The following TRAF5 variants were observed in gnomAD, a reference collection of about 807,000 sequenced individuals.
The protein encoded by TRAF5 is TNF receptor-associated factor 5.
TRAF5 carries 48 observed loss-of-function variants against 64.5 expected under a neutral mutation model. The ratio of observed to expected loss-of-function variants is 0.74; its 90% CI spans 0.59 to 0.95. TRAF5 has a LOEUF of 0.95. TRAF5 is among the 40% of genes least tolerant of loss of function. TRAF5 has a pLI of 0.00. For missense variants in TRAF5, 545 were observed against 662.8 expected (o/e 0.82, Z 1.95); for synonymous variants, 206 against 240.5 (o/e 0.86, Z 1.33).
intron 1 of TRAF5, among the ~76,000 whole-genome samples, chr1:211,341,979 A>C (rs143773037): frequency 1.3e-5 from 2 of 152,328 alleles, no homozygotes; most frequent in African/African-American, 4.8e-5. Flanking sequence ...GCTTATTAAT[A>C]ATAGCCCTTA....
chr1:211,368,811 ACT>A (rs1399098449), intron 8 of TRAF5: 1 of 151,986 alleles, frequency 6.6e-6, no homozygotes, highest in African/African-American at 2.4e-5. Context: ...GGTTACTTAA[ACT>A]CTCTACCTCT....
chr1:211,358,892 T>C lies in TRAF5; in HGVS notation c.379-1020T>C, dbSNP rs1349950591. The C allele has an allele frequency of 2.0e-5, 3 of 149,006 alleles. No homozygotes were observed. The East Asian group carries it at 5.8e-4, about 29-fold the overall frequency. The allele number at this position is 149,006 out of a possible 1,614,324, so 9.2% of individuals were successfully genotyped here. A position where few individuals can be genotyped will look rare whatever the true frequency, so the allele number is the denominator to read the frequency against. ...TTATTGACATGTAAATAAATGTTTATTTTTAATAATAAATAACAGAATATT... is the reference window on the plus strand; with the variant it reads ...TTATTGACATGTAAATAAATGTTTACTTTTAATAATAAATAACAGAATATT... On this transcript the variant is annotated intron_variant, in intron 4 of 10. Transcript: ENST00000261464.
At chr1:211,357,855 A>G (rs1440864273) in intron 4 of TRAF5, 2 of 152,190 alleles carry the variant, frequency 1.3e-5, no homozygotes, top group Non-Finnish European at 2.9e-5. Context: ...AATAATAATA[A>G]TCATCATCAT....
intron 1 of TRAF5, among the ~76,000 whole-genome samples, chr1:211,336,958 C>T (rs924397352): frequency 1.3e-5 from 2 of 152,248 alleles, no homozygotes; most frequent in African/African-American, 2.4e-5. Flanking sequence ...TGCACCTGGC[C>T]AGACCTCAAC....
chr1:211,372,247 A>G lies in TRAF5; in HGVS notation c.1219A>G (p.Ile407Val). The G allele has an allele frequency of 6.2e-7, 1 of 1,613,970 alleles. No homozygotes were observed. Among genetic ancestry groups the G allele is most frequent in the Non-Finnish European group, 8.5e-7 (1 of 1,179,838 alleles). Residue 407 changes from isoleucine to valine, a missense_variant, in exon 11 of 11, where the codon ATT (isoleucine) becomes GTT (valine). Transcript: ENST00000261464. ...LEGTCYNGKL[I>V]WKVTDYKMKK... ...GGGTACTTGCTATAATGGAAAGCTC[A>G]TTTGGAAGGTGACAGATTACAAGAT... is the stretch of plus-strand genomic sequence containing the variant.
At chr1:211,364,445 G>A (rs1262786241) in intron 7 of TRAF5, among the ~76,000 whole-genome samples, 1 of 152,196 alleles carries the variant, frequency 6.6e-6, no homozygotes, top group Non-Finnish European at 1.5e-5. Context: ...CCAGCACTTT[G>A]GGAGGCCAAG....
intron 1 of TRAF5, among the ~76,000 whole-genome samples, chr1:211,331,827 G>A (rs1188048513): frequency 2.0e-5 from 3 of 152,064 alleles, no homozygotes; most frequent in Non-Finnish European, 4.4e-5. Flanking sequence ...CACCACGGCC[G>A]GCTAATTTTT....
At chr1:211,328,819 G>T (rs1446862435) in intron 1 of TRAF5, among the ~76,000 whole-genome samples, 1 of 152,184 alleles carries the variant, frequency 6.6e-6, no homozygotes. Context: ...TTGTCGTTTT[G>T]TTCTCATTTC....
At chr1:211,356,861 A>T (rs1702986283) in intron 4 of TRAF5, 1 of 169,890 alleles carries the variant, frequency 5.9e-6, no homozygotes, top group Non-Finnish European at 1.3e-5. Context: ...CCCCAAAAGC[A>T]TTTGCTCTCT....
intron 1 of TRAF5, among the ~76,000 whole-genome samples, chr1:211,339,798 T>G (rs1038964049): frequency 6.6e-6 from 1 of 152,208 alleles, no homozygotes; most frequent in African/African-American, 2.4e-5. Context: ...GGGCCAGAGC[T>G]GGCCTTGCTG....
At chr1:211,337,587 A>C (rs1342253570) in intron 1 of TRAF5, among the ~76,000 whole-genome samples, 1 of 152,188 alleles carries the variant, frequency 6.6e-6, no homozygotes, top group Non-Finnish European at 1.5e-5. Flanking sequence ...GCTGTAAAGG[A>C]GCAAGGCAGA....
rs1433364983 is a variant in TRAF5, at chr1:211,372,186, G to T, written c.1158G>T (p.Gln386His). The part of the protein sequence containing the change: ...HDTHINIHKA[Q>H]LSKNEERFKL... ...CCCACATTAATATTCATAAAGCACA[G>T]CTGAGTAAAAATGAAGAGCGATTTA... is the stretch of plus-strand genomic sequence containing the variant. Residue 386 changes from glutamine to histidine, a missense_variant, in exon 11 of 11, where the codon CAG becomes CAT. By Grantham distance (24) the Gln-to-His change is conservative. Transcript: ENST00000261464. 4.3e-6 allele frequency: 7 copies of T among 1,612,960 alleles called. No individual in the cohort carries two copies. The highest frequency in any genetic ancestry group is 5.9e-6 in the Non-Finnish European group (7 of 1,179,842).
chr1:211,371,541 C>G, intron 10 of TRAF5, 71 bp downstream of exon 10: 1 of 1,444,110 alleles, frequency 6.9e-7, no homozygotes, highest in Non-Finnish European at 9.5e-7. Context: ...AACCAAACAC[C>G]TGGCCAAATA....
intron 7 of TRAF5, among the ~76,000 whole-genome samples, chr1:211,362,095 C>T (rs1314152026): frequency 1.3e-5 from 2 of 152,004 alleles, no homozygotes; most frequent in East Asian, 3.9e-4. Flanking sequence ...GTGATATACT[C>T]TTGTATATCA....
intron 1 of TRAF5, among the ~76,000 whole-genome samples, chr1:211,352,359 C>T (rs1306028284): frequency 2.6e-5 from 4 of 150,992 alleles, no homozygotes; most frequent in Non-Finnish European, 5.9e-5. Flanking sequence ...ATTATATTAC[C>T]TCCCACTGGG....
Position 211,343,179 on chromosome 1 carries a change from C to T in TRAF5, c.-1-10060C>T, listed in dbSNP as rs79920051. ...TATCATCGTTTTACAGATGAGGAAA[C>T]GGAGAAACATAGCGACTAAGTAATT... On this transcript the variant is annotated intron_variant, in intron 1 of 10. Coordinates refer to ENST00000261464, the MANE Select transcript of TRAF5 (RefSeq NM_001033910.3). Among the ~76,000 whole-genome samples the T allele has an allele frequency of 2.1e-3, 327 of 152,204 alleles. 3 individuals are homozygous for T. The highest frequency in any genetic ancestry group is 7.3e-3 in the African/African-American group (303 of 41,530).
rs753167716 is a variant in TRAF5, at chr1:211,372,706, C to G, written c.*4C>G. On this transcript the variant is annotated 3_prime_UTR_variant, in exon 11 of 11. Coordinates refer to ENST00000261464, the MANE Select transcript of TRAF5 (RefSeq NM_001033910.3). ...AACTGACCTGGAGGATCTCTAGTCACTGTTATGGGGTGATAAGAGGACTTC... is the reference window on the plus strand; with the variant it reads ...AACTGACCTGGAGGATCTCTAGTCAGTGTTATGGGGTGATAAGAGGACTTC... The G allele has an allele frequency of 1.1e-5, 17 of 1,613,090 alleles. No homozygotes were observed. Among genetic ancestry groups the G allele is most frequent in the Non-Finnish European group, 3.4e-6 (4 of 1,179,394 alleles).
chr1:211,359,865 A>G, intron 4 of TRAF5, 47 bp from the exon 5 acceptor site: 1 of 1,609,940 alleles, frequency 6.2e-7, no homozygotes, highest in Non-Finnish European at 8.5e-7. Flanking sequence ...CTTCTTTCCT[A>G]CCACCCTGGT....
In TRAF5 at chr1:211,346,438, G is replaced by C. The variant is rs185017704; in HGVS notation, c.-1-6801G>C. On this transcript the variant is annotated intron_variant, in intron 1 of 10. Coordinates refer to ENST00000261464, the MANE Select transcript of TRAF5 (RefSeq NM_001033910.3). ...TTCATGGATGGTGAGTGGCAGAGCA[G>C]AGACAGAGGTCTCTGGTCCTGTGCC... 5 of 985,426 alleles carry C rather than the reference G, an allele frequency of 5.1e-6. No individual in the cohort carries two copies. In the East Asian group the frequency reaches 5.7e-4, roughly 112 times the overall value. The allele number at this position is 985,426 out of a possible 1,614,324, so 61.0% of individuals were successfully genotyped here. A position where few individuals can be genotyped will look rare whatever the true frequency, so the allele number is the denominator to read the frequency against.
Sources: gnomAD v4.1 joint callset for allele counts (sites outside exome capture counted in the v4.1 genomes callset) on GRCh38, gnomAD v4.1.1 for gene constraint, MANE v1.5 for transcripts, NCBI Gene and HGNC (gene_info 2026-07-23, HGNC 2026-07-21) for gene names.